WWOX: variants seen among roughly 807,000 people sequenced by gnomAD.
The protein encoded by WWOX is WW domain-containing oxidoreductase.
In WWOX, 69 loss-of-function variants were observed where a neutral mutation model predicts 46.2. That is an observed-to-expected ratio of 1.49 (90% CI 1.23 to 1.82). WWOX has a LOEUF of 1.82. Ranked by LOEUF, WWOX falls within the 40% of genes most tolerant of loss-of-function variation. The pLI is 0.00. For missense variants in WWOX, 919 were observed against 542.6 expected, an observed-to-expected ratio of 1.69 and a Z score of -6.89; for synonymous variants, 359 against 202.6, an observed-to-expected ratio of 1.77 and a Z score of -6.56.
chr16:78,669,126 C>A (rs2047400996), intron 8 of WWOX, among the ~76,000 whole-genome samples: 1 of 151,744 alleles, frequency 6.6e-6, no homozygotes, highest in African/African-American at 2.4e-5. Flanking sequence ...GTTGCTGTGG[C>A]CCCATCTCCA....
At chr16:78,274,452 C>T (rs11646031) in intron 5 of WWOX, among the ~76,000 whole-genome samples, 15,598 of 152,130 alleles carry the variant, frequency 0.1, 868 homozygotes, top group South Asian at 0.18. Context: ...CCCTCTGGCC[C>T]GAAATTCCTG....
intron 8 of WWOX, among the ~76,000 whole-genome samples, chr16:79,160,151 G>A (rs1209369493): frequency 6.6e-6 from 1 of 152,198 alleles, no homozygotes; most frequent in East Asian, 1.9e-4. Flanking sequence ...GCCACGTGAG[G>A]CCGAGAACAT....
chr16:78,796,738 C>T (rs917473812), intron 8 of WWOX, among the ~76,000 whole-genome samples: 4 of 152,142 alleles, frequency 2.6e-5, no homozygotes, highest in African/African-American at 9.7e-5. Flanking sequence ...AAGCATTCTT[C>T]AGTTCCCAAC....
chr16:78,169,562 C>T (rs1405377122), intron 5 of WWOX, among the ~76,000 whole-genome samples: 1 of 151,902 alleles, frequency 6.6e-6, no homozygotes, highest in Non-Finnish European at 1.5e-5. Context: ...CCTCGACATT[C>T]CAGTGTAGAG....
intron 8 of WWOX, among the ~76,000 whole-genome samples, chr16:78,912,116 C>G (rs561722884): frequency 4.6e-5 from 7 of 150,708 alleles, no homozygotes; most frequent in East Asian, 1.9e-4. Context: ...GTCTCTGAGC[C>G]TCAACTTCCT....
intron 8 of WWOX, among the ~76,000 whole-genome samples, chr16:79,202,407 C>T (rs757151004): frequency 6.6e-6 from 1 of 152,152 alleles, no homozygotes; most frequent in Non-Finnish European, 1.5e-5. Context: ...TACATTCCGT[C>T]GAGATTCTTT....
chr16:78,129,570 C>T (rs957902217), intron 4 of WWOX, among the ~76,000 whole-genome samples: 1 of 152,108 alleles, frequency 6.6e-6, no homozygotes, highest in Admixed American at 6.5e-5. Flanking sequence ...TTGCTTATTT[C>T]CATAAGCTCA....
At chr16:79,188,903 C>G (rs538277982) in intron 8 of WWOX, among the ~76,000 whole-genome samples, 3 of 152,288 alleles carry the variant, frequency 2.0e-5, no homozygotes, top group African/African-American at 4.8e-5. Flanking sequence ...AGCAGCTGAG[C>G]TAACATGCAC....
At chr16:78,108,556 G>T in intron 2 of WWOX, 69 bp downstream of exon 2, 3 of 1,540,126 alleles carry the variant, frequency 1.9e-6, no homozygotes, top group Non-Finnish European at 2.7e-6. Flanking sequence ...CACTGGCAGA[G>T]AGGTGACAGG....
chr16:78,945,697 C>G (rs1011157968), intron 8 of WWOX, among the ~76,000 whole-genome samples: 1 of 152,060 alleles, frequency 6.6e-6, no homozygotes, highest in African/African-American at 2.4e-5. Flanking sequence ...GTATGCCCCC[C>G]TTTCTCCCCT....
At chr16:78,317,742 C>T (rs369190186) in intron 5 of WWOX, among the ~76,000 whole-genome samples, 7 of 152,142 alleles carry the variant, frequency 4.6e-5, no homozygotes, top group Admixed American at 1.3e-4. Flanking sequence ...GCCCCCTTCA[C>T]GGTGTCCTCA....
intron 8 of WWOX, among the ~76,000 whole-genome samples, chr16:78,954,133 C>T (rs894895439): frequency 7.9e-5 from 12 of 152,166 alleles, no homozygotes; most frequent in African/African-American, 1.4e-4. Context: ...TTAAGATCTG[C>T]CATAAAAATG....
chr16:78,639,209 C>T (rs1423337730), intron 8 of WWOX, among the ~76,000 whole-genome samples: 2 of 152,196 alleles, frequency 1.3e-5, no homozygotes, highest in Admixed American at 6.5e-5. Flanking sequence ...AGTACTTCTG[C>T]ATGTGCGCAA....
chr16:78,140,960 G>C (rs1468753172), intron 4 of WWOX, among the ~76,000 whole-genome samples: 5 of 152,190 alleles, frequency 3.3e-5, no homozygotes, highest in African/African-American at 1.2e-4. Context: ...ATGTAACTCA[G>C]CTCTGCTCTA....
At chr16:78,845,417 G>A (rs998816084) in intron 8 of WWOX, among the ~76,000 whole-genome samples, 1 of 152,046 alleles carries the variant, frequency 6.6e-6, no homozygotes, top group African/African-American at 2.4e-5. Flanking sequence ...CCCTTTTTAG[G>A]AGCGGCCTGG....
At chr16:79,039,168 T>C (rs1397158) in intron 8 of WWOX, among the ~76,000 whole-genome samples, 23,484 of 152,154 alleles carry the variant, frequency 0.15, 2,048 homozygotes, top group East Asian at 0.25. Context: ...TTGCAGGTGA[T>C]GCTCATGTTA....
At chr16:78,427,769 C>A (rs187539989) in intron 7 of WWOX, among the ~76,000 whole-genome samples, 1 of 151,972 alleles carries the variant, frequency 6.6e-6, no homozygotes, top group Admixed American at 6.6e-5. Context: ...CAGAGTGAGA[C>A]CCCATCTCTA....
rs200831882 is a variant in WWOX at position 78,876,761 on chromosome 16, C to G, written c.1057-334847C>G. 8.6e-5 allele frequency among the ~76,000 whole-genome samples: 13 copies of G among 151,986 alleles called. No homozygotes were observed. In the East Asian group the frequency reaches 2.5e-3, roughly 29 times the overall value. ...GAAAATTAACTAAAAGAAGATTAAC[C>G]AAAAATCTAAAGGAAAATGCCTTAA... On this transcript the variant is annotated intron_variant, in intron 8 of 8. Coordinates refer to ENST00000566780, the MANE Select transcript of WWOX (RefSeq NM_016373.4).
In WWOX at chr16:78,338,601, T is replaced by C. The variant is rs888810573; in HGVS notation, c.517-48259T>C. ...TTTCAATGCCTATTTTCTCCTGAAT[T>C]TTCTGACGGAGTTAGAGATAGGAAA... On this transcript the variant is annotated intron_variant, in intron 5 of 8. Coordinates refer to ENST00000566780, the MANE Select transcript of WWOX (RefSeq NM_016373.4). 5.0e-5 allele frequency among the ~76,000 whole-genome samples: 6 copies of C among 121,182 alleles called. 2 individuals are homozygous for C. Among genetic ancestry groups the C allele is most frequent in the African/African-American group, 1.7e-4 (6 of 35,756 alleles). The allele number at this position is 121,182 out of a possible 152,430, so 79.5% of individuals were successfully genotyped here. A position where few individuals can be genotyped will look rare whatever the true frequency, so the allele number is the denominator to read the frequency against.
Sources: gnomAD v4.1 joint callset for allele counts (sites outside exome capture counted in the v4.1 genomes callset) on GRCh38, gnomAD v4.1.1 for gene constraint, MANE v1.5 for transcripts, NCBI Gene and HGNC (gene_info 2026-07-23, HGNC 2026-07-21) for gene names.